The following VIPAS39 variants were observed in gnomAD, a reference collection of about 807,000 sequenced individuals.
The protein encoded by VIPAS39 is spermatogenesis-defective protein 39 homolog.
Under a neutral mutation model 84.7 loss-of-function variants are expected in VIPAS39, and 63 were observed. The ratio of observed to expected loss-of-function variants is 0.74; its 90% CI spans 0.61 to 0.92. VIPAS39 has a LOEUF of 0.92. Ranked by LOEUF, VIPAS39 falls within the 40% of genes least tolerant of loss-of-function variation. The pLI is 0.00. For missense variants in VIPAS39, 499 were observed against 604.5 expected (o/e 0.83, Z 1.83); for synonymous variants, 192 against 216.5 (o/e 0.89, Z 0.99).
At chr14:77,453,248 A>G in intron 3 of VIPAS39, 51 bp downstream of exon 3, 3 of 1,547,660 alleles carry the variant, frequency 1.9e-6, no homozygotes, top group Non-Finnish European at 2.7e-6. Context: ...AGCCTTTATC[A>G]GTGATAAGAA....
chr14:77,441,704 C>T (rs773536144), intron 10 of VIPAS39, among the ~76,000 whole-genome samples: 1 of 152,114 alleles, frequency 6.6e-6, no homozygotes, highest in Non-Finnish European at 1.5e-5. Flanking sequence ...TAATCTTGAC[C>T]CTAACCAGGT....
intron 7 of VIPAS39, among the ~76,000 whole-genome samples, chr14:77,444,733 C>T (rs757451329): frequency 8.6e-5 from 13 of 151,836 alleles, no homozygotes; most frequent in Non-Finnish European, 1.3e-4. Flanking sequence ...CCACCATGCC[C>T]GGCTAATTTT....
intron 12 of VIPAS39, among the ~76,000 whole-genome samples, chr14:77,436,420 A>G (rs539288947): frequency 2.0e-5 from 3 of 152,308 alleles, no homozygotes; most frequent in Non-Finnish European, 4.4e-5. Context: ...CAAGGGTCCC[A>G]TCTTCAACAC....
chr14:77,442,468 G>A, intron 10 of VIPAS39, 92 bp downstream of exon 10: 2 of 1,056,698 alleles, frequency 1.9e-6, no homozygotes, highest in Non-Finnish European at 3.0e-6. Context: ...TCCAGGAAAA[G>A]GGCAGTTGGC....
At chr14:77,456,763 T>A (rs2078967028) in intron 1 of VIPAS39, among the ~76,000 whole-genome samples, 1 of 152,222 alleles carries the variant, frequency 6.6e-6, no homozygotes, top group Non-Finnish European at 1.5e-5. Flanking sequence ...GGAATCTTTT[T>A]AACCATGCAA....
intron 7 of VIPAS39, among the ~76,000 whole-genome samples, chr14:77,447,965 C>CT (rs1301071234): frequency 2.0e-3 from 277 of 138,754 alleles, no homozygotes; most frequent in Middle Eastern, 4.4e-3. Flanking sequence ...CCCGGCTTCT[C>CT]TTTTTTTTTT....
intron 15 of VIPAS39, 59 bp downstream of exon 15, chr14:77,434,203 T>A: frequency 1.3e-6 from 2 of 1,520,476 alleles, no homozygotes; most frequent in South Asian, 1.1e-5. Flanking sequence ...CAAAGCAACA[T>A]CCACTCCATG....
chr14:77,434,167 A>T, intron 15 of VIPAS39, 95 bp downstream of exon 15: 1 of 1,357,516 alleles, frequency 7.4e-7, no homozygotes, highest in Non-Finnish European at 1.1e-6. Context: ...AACCTTGAAT[A>T]TCAAAGGACA....
At chr14:77,442,145 A>G (rs181680103) in intron 10 of VIPAS39, among the ~76,000 whole-genome samples, 2 of 152,332 alleles carry the variant, frequency 1.3e-5, no homozygotes, top group East Asian at 3.9e-4. Context: ...TTTTGTAAGA[A>G]AACACTTAAT....
chr14:77,453,862 C>T (rs1217114715), intron 2 of VIPAS39, 148 bp downstream of exon 2: 8 of 754,062 alleles, frequency 1.1e-5, no homozygotes, highest in Non-Finnish European at 1.2e-5. Flanking sequence ...GTAAGAAAGG[C>T]AGTGAGCTGG....
At chr14:77,452,449 C>T (rs1369732206) in intron 3 of VIPAS39, among the ~76,000 whole-genome samples, 1 of 151,530 alleles carries the variant, frequency 6.6e-6, no homozygotes, top group Non-Finnish European at 1.5e-5. Context: ...ATAGTATGGC[C>T]TATTTTTTAA....
intron 7 of VIPAS39, among the ~76,000 whole-genome samples, chr14:77,445,241 G>A (rs141262374): frequency 6.6e-6 from 1 of 152,262 alleles, no homozygotes; most frequent in South Asian, 2.1e-4. Flanking sequence ...TTACAGGCGT[G>A]AGCCACCATG....
chr14:77,447,465 A>G (rs1044337879), intron 7 of VIPAS39, among the ~76,000 whole-genome samples: 2 of 152,144 alleles, frequency 1.3e-5, no homozygotes, highest in Non-Finnish European at 2.9e-5. Flanking sequence ...GGCATGAGCC[A>G]CTGTGACTGG....
chr14:77,445,748 G>A (rs2078778040), intron 7 of VIPAS39, among the ~76,000 whole-genome samples: 1 of 151,992 alleles, frequency 6.6e-6, no homozygotes, highest in African/African-American at 2.4e-5. Context: ...AGACCAGTCT[G>A]GCCAACATGG....
intron 10 of VIPAS39, among the ~76,000 whole-genome samples, chr14:77,441,797 G>A (rs2078707626): frequency 6.6e-6 from 1 of 152,212 alleles, no homozygotes; most frequent in African/African-American, 2.4e-5. Context: ...TGGGCCACAT[G>A]TCAGTCTAAA....
chr14:77,444,764 A>T (rs2078760279), intron 7 of VIPAS39, among the ~76,000 whole-genome samples: 2 of 151,612 alleles, frequency 1.3e-5, no homozygotes, highest in Admixed American at 1.3e-4. Context: ...TTTAATTTTT[A>T]GTAGAGACGG....
chr14:77,451,287 G>A lies in VIPAS39; in HGVS notation c.243C>T (p.Thr81=). 6.2e-7 allele frequency: 1 copy of A among 1,614,184 alleles called. No individual in the cohort carries two copies. Among genetic ancestry groups the A allele is most frequent in the Non-Finnish European group, 8.5e-7 (1 of 1,180,034 alleles). The change falls in exon 4 of 20, where the codon ACC becomes ACT. Residue 81 remains threonine (T), a synonymous_variant. Coordinates refer to ENST00000557658, the MANE Select transcript of VIPAS39 (RefSeq NM_001193315.2). ...TCTTTAGCTGTTCACGCCCCTCGTG[G>A]GTTGAGCCGCTATTACCAGCAGTCT... ...IRETAGNSGS[T]HEGREQLKSR...
chr14:77,430,062 T>C (rs1458685535), intron 16 of VIPAS39, among the ~76,000 whole-genome samples: 1 of 152,224 alleles, frequency 6.6e-6, no homozygotes, highest in African/African-American at 2.4e-5. Context: ...AACTTATCAA[T>C]GTAGAAAATA....
chr14:77,438,225 A>C (rs1344062132), intron 11 of VIPAS39, among the ~76,000 whole-genome samples: 2 of 128,498 alleles, frequency 1.6e-5, no homozygotes, highest in Admixed American at 2.1e-4. Context: ...AAATATGGAA[A>C]ATTTTTTTTT....
Sources: allele counts gnomAD v4.1 joint callset (sites outside exome capture counted in the v4.1 genomes callset), GRCh38; gene constraint gnomAD v4.1.1; transcripts MANE v1.5; gene names NCBI Gene and HGNC (gene_info 2026-07-23, HGNC 2026-07-21).